The following SLC44A1 variants were observed in gnomAD, a reference collection of about 807,000 sequenced individuals.
SLC44A1 encodes choline transporter-like protein 1.
SLC44A1 carries 26 observed loss-of-function variants against 79.3 expected under a neutral mutation model. That is an observed-to-expected ratio of 0.33 (90% CI 0.24 to 0.46). The LOEUF (loss-of-function observed/expected upper bound fraction) is 0.46. SLC44A1 is among the 20% of genes least tolerant of loss of function. The pLI, the probability that SLC44A1 is intolerant of heterozygous loss-of-function variation, is 1.00. For synonymous variants in SLC44A1, 263 were observed against 286.2 expected, an observed-to-expected ratio of 0.92 and a Z score of 0.82; for missense variants, 688 against 798.1, an observed-to-expected ratio of 0.86 and a Z score of 1.66.
Position 105,397,210 on chromosome 9 carries a change from A to G in SLC44A1, c.*8154A>G, listed in dbSNP as rs1273292615. ...TTTTTCTTGTGCAGAAATACGAACTAGAAAGAAAAGTGCTGATCTAATGCT... is the reference window on the plus strand; with the variant it reads ...TTTTTCTTGTGCAGAAATACGAACTGGAAAGAAAAGTGCTGATCTAATGCT... On this transcript the variant is annotated 3_prime_UTR_variant, in exon 16 of 16. Transcript: ENST00000374720. 1 of 985,416 alleles carries G rather than the reference A, an allele frequency of 1.0e-6. No individual in the cohort carries two copies. The highest frequency in any genetic ancestry group is 1.2e-6 in the Non-Finnish European group (1 of 829,908). The allele number at this position is 985,416 out of a possible 1,614,324, so 61.0% of individuals were successfully genotyped here.
chr9:105,347,594 A>G (rs947514601), intron 4 of SLC44A1, among the ~76,000 whole-genome samples: 4 of 152,056 alleles, frequency 2.6e-5, no homozygotes, highest in African/African-American at 2.4e-5. Flanking sequence ...ACATAAATGT[A>G]TTATGTAAAT....
chr9:105,304,944 GTTTTTTTTTTTTTTTTTTTTTTTT>G (rs10589897), intron 2 of SLC44A1, among the ~76,000 whole-genome samples: 21 of 20,086 alleles, frequency 1.0e-3, no homozygotes, highest in African/African-American at 2.5e-3. Context: ...ACTTTCTATC[GTTTTTTTTTTTTTTTTTTTTTTTT>G]TTTTTTTTTT....
chr9:105,276,381 T>C (rs1332441088), intron 1 of SLC44A1, among the ~76,000 whole-genome samples: 1 of 152,182 alleles, frequency 6.6e-6, no homozygotes, highest in Non-Finnish European at 1.5e-5. Flanking sequence ...ATTCATTCAG[T>C]AAGTAGTTTT....
chr9:105,272,447 G>T (rs1449546977), intron 1 of SLC44A1, among the ~76,000 whole-genome samples: 1 of 151,816 alleles, frequency 6.6e-6, no homozygotes, highest in Admixed American at 6.6e-5. Context: ...GCAGAGGCAT[G>T]TTCTTGTACC....
chr9:105,308,041 T>C (rs919990179), intron 2 of SLC44A1, among the ~76,000 whole-genome samples: 12 of 152,236 alleles, frequency 7.9e-5, no homozygotes, highest in African/African-American at 2.9e-4. Flanking sequence ...ATGTAACATG[T>C]ATTATTTCAT....
intron 15 of SLC44A1, among the ~76,000 whole-genome samples, chr9:105,420,656 G>A (rs1035201970): frequency 1.3e-5 from 2 of 152,000 alleles, no homozygotes; most frequent in African/African-American, 2.4e-5. Context: ...GAGGTTGGGA[G>A]TTCAAGACCA....
intron 15 of SLC44A1, among the ~76,000 whole-genome samples, chr9:105,422,672 A>C (rs957533954): frequency 1.3e-5 from 2 of 152,166 alleles, no homozygotes; most frequent in Non-Finnish European, 2.9e-5. Flanking sequence ...CCATTTGGCT[A>C]ATTAGAGGGC....
At chr9:105,279,809 A>G (rs79223354) in intron 1 of SLC44A1, among the ~76,000 whole-genome samples, 5,079 of 152,226 alleles carry the variant, frequency 0.033, 274 homozygotes, top group African/African-American at 0.11. Context: ...ATCTGAGAGG[A>G]GATAAAATAC....
In SLC44A1 at chr9:105,328,715, G is replaced by A. The variant is rs139610801; in HGVS notation, c.270-6848G>A. Among the ~76,000 whole-genome samples the A allele has an allele frequency of 5.1e-3, 773 of 152,308 alleles. 7 individuals carry two copies. Among genetic ancestry groups the A allele is most frequent in the African/African-American group, 0.018 (754 of 41,552 alleles). On this transcript the variant is annotated intron_variant, in intron 3 of 15. Coordinates refer to ENST00000374720, the MANE Select transcript of SLC44A1 (RefSeq NM_080546.5). ...AATGAAGGTCTACAGAAGTGCTGGC[G>A]GAGGAGGCTGCCATGCTGTTTAGAA...
intron 5 of SLC44A1, 53 bp downstream of exon 5, chr9:105,348,504 T>C (rs932313004): frequency 9.4e-7 from 1 of 1,063,974 alleles, no homozygotes; most frequent in Non-Finnish European, 1.5e-6. Context: ...TGTAGGTAAA[T>C]TTTAAACAAT....
chr9:105,300,073 G>A (rs748535321), intron 2 of SLC44A1: 94 of 301,946 alleles, frequency 3.1e-4, no homozygotes, highest in Non-Finnish European at 4.4e-4. Context: ...TTTTAAAGCG[G>A]TCTGATATTT....
intron 15 of SLC44A1, among the ~76,000 whole-genome samples, chr9:105,410,816 ATGT>A (rs1829085132): frequency 6.6e-6 from 1 of 152,196 alleles, no homozygotes; most frequent in Non-Finnish European, 1.5e-5. Flanking sequence ...GATAAGCAAA[ATGT>A]TGTATATCCA....
intron 1 of SLC44A1, among the ~76,000 whole-genome samples, chr9:105,255,134 G>A (rs1053798203): frequency 4.2e-4 from 61 of 145,110 alleles, no homozygotes; most frequent in Admixed American, 6.8e-4. Flanking sequence ...AAACTGAAAA[G>A]TCATGTCATT....
chr9:105,429,406 C>A (rs892658694), intron 15 of SLC44A1, among the ~76,000 whole-genome samples: 1 of 152,156 alleles, frequency 6.6e-6, no homozygotes, highest in Non-Finnish European at 1.5e-5. Context: ...TGGCTCAAGC[C>A]ATCCTCCCAC....
At chr9:105,299,699 G>A (rs1830825347) in intron 2 of SLC44A1, 2 of 730,918 alleles carry the variant, frequency 2.7e-6, no homozygotes, top group South Asian at 6.1e-5. Flanking sequence ...TCCTAGATGG[G>A]AGGCTGGTTG....
intron 15 of SLC44A1, among the ~76,000 whole-genome samples, chr9:105,403,595 A>G (rs572238630): frequency 5.2e-4 from 78 of 149,858 alleles, no homozygotes; most frequent in African/African-American, 1.9e-3. Flanking sequence ...GCTCTCTGAA[A>G]ACTCACACCA....
At position 105,390,429 on chromosome 9, in the gene SLC44A1, A is replaced by C; in HGVS notation, c.*1373A>C. ...TTATTGCACTAAATACAGGCTCTGT[A>C]CAAAAAAAAAAAAAAAAAAAAAGCC... On this transcript the variant is annotated 3_prime_UTR_variant, in exon 16 of 16. Coordinates refer to ENST00000374720, the MANE Select transcript of SLC44A1 (RefSeq NM_080546.5). 4 of 624,234 alleles carry C rather than the reference A, an allele frequency of 6.4e-6. No homozygotes were observed. The highest frequency in any genetic ancestry group is 7.7e-6 in the Non-Finnish European group (4 of 522,374). The allele number at this position is 624,234 out of a possible 1,614,324, so 38.7% of individuals were successfully genotyped here.
chr9:105,351,569 A>AG (rs1827416190), intron 5 of SLC44A1, among the ~76,000 whole-genome samples: 1 of 120,522 alleles, frequency 8.3e-6, no homozygotes, highest in African/African-American at 3.9e-5. Context: ...AGAAAGAGAG[A>AG]AAGAGAGAAA....
intron 4 of SLC44A1, 27 bp from the exon 5 acceptor site, chr9:105,348,331 C>T: frequency 7.9e-7 from 1 of 1,270,842 alleles, no homozygotes; most frequent in South Asian, 1.2e-5. Flanking sequence ...ACTGTTCTGC[C>T]ACCTAACATA....
Sources: gnomAD v4.1 joint callset for allele counts (sites outside exome capture counted in the v4.1 genomes callset) on GRCh38, gnomAD v4.1.1 for gene constraint, MANE v1.5 for transcripts, NCBI Gene and HGNC (gene_info 2026-07-23, HGNC 2026-07-21) for gene names.